KCNH8: variants seen among roughly 807,000 people sequenced by gnomAD.
KCNH8 encodes voltage-gated delayed rectifier potassium channel KCNH8.
A neutral mutation model predicts 103.6 loss-of-function variants in KCNH8; 70 were observed. The observed-to-expected ratio is 0.68, with a 90% CI of 0.56 to 0.82. KCNH8 has a LOEUF of 0.82. KCNH8 is among the 40% of genes least tolerant of loss of function. KCNH8 has a pLI of 0.00. For missense variants in KCNH8, 1,217 were observed against 1,329.9 expected, an observed-to-expected ratio of 0.92 and a Z score of 1.32; for synonymous variants, 498 against 489.4, an observed-to-expected ratio of 1.02 and a Z score of -0.23.
chr3:19,289,040 G>A (rs542983584), intron 3 of KCNH8, among the ~76,000 whole-genome samples: 1 of 152,336 alleles, frequency 6.6e-6, no homozygotes, highest in South Asian at 2.1e-4. Flanking sequence ...TTTGAGAAGT[G>A]TGGGTTCATA....
At chr3:19,435,233 A>G (rs1424875234) in intron 7 of KCNH8, among the ~76,000 whole-genome samples, 1 of 152,176 alleles carries the variant, frequency 6.6e-6, no homozygotes, top group Non-Finnish European at 1.5e-5. Context: ...CCAAAAGACC[A>G]CTGGAGGAAA....
At chr3:19,336,394 A>G (rs961476676) in intron 3 of KCNH8, among the ~76,000 whole-genome samples, 2 of 151,806 alleles carry the variant, frequency 1.3e-5, no homozygotes, top group African/African-American at 2.4e-5. Flanking sequence ...CATGACTTCT[A>G]TTTTTTGGAA....
intron 2 of KCNH8, among the ~76,000 whole-genome samples, chr3:19,272,658 A>G (rs576871196): frequency 6.6e-6 from 1 of 152,300 alleles, no homozygotes; most frequent in South Asian, 2.1e-4. Flanking sequence ...GACCTGGAAT[A>G]ACACACAAAT....
intron 5 of KCNH8, among the ~76,000 whole-genome samples, chr3:19,370,206 T>C (rs1039205607): frequency 6.6e-6 from 1 of 152,038 alleles, no homozygotes; most frequent in Non-Finnish European, 1.5e-5. Context: ...GGCATTCCCA[T>C]AACATTCATC....
chr3:19,362,142 G>C (rs1405266583), intron 5 of KCNH8, among the ~76,000 whole-genome samples: 1 of 152,080 alleles, frequency 6.6e-6, no homozygotes, highest in Admixed American at 6.6e-5. Context: ...AGATTCTGTG[G>C]CTGAGAATTA....
At chr3:19,449,833 C>T (rs776155388) in intron 8 of KCNH8, among the ~76,000 whole-genome samples, 1 of 151,832 alleles carries the variant, frequency 6.6e-6, no homozygotes, top group Non-Finnish European at 1.5e-5. Flanking sequence ...GCAGGTTAAA[C>T]GTAAATCAAA....
In KCNH8 at chr3:19,456,750, C is replaced by T. The variant is rs746507655; in HGVS notation, c.1826-18C>T. 29 of 1,369,948 alleles carry T rather than the reference C, an allele frequency of 2.1e-5. No individual in the cohort carries two copies. The Middle Eastern group carries it at 5.7e-4, about 27-fold the overall frequency. The allele number at this position is 1,369,948 out of a possible 1,614,324, so 84.9% of individuals were successfully genotyped here. A position where few individuals can be genotyped will look rare whatever the true frequency, so the allele number is the denominator to read the frequency against. On this transcript the variant is annotated intron_variant, in intron 10 of 15. Coordinates refer to ENST00000328405, the MANE Select transcript of KCNH8 (RefSeq NM_144633.3). ...CTTGCTTTTTTTTTTTGAAAATGAT[C>T]TCTCTCTCTCTTTCTAGGGAAAGGG...
intron 5 of KCNH8, among the ~76,000 whole-genome samples, chr3:19,376,277 C>T (rs1169098068): frequency 6.6e-6 from 1 of 152,214 alleles, no homozygotes; most frequent in African/African-American, 2.4e-5. Flanking sequence ...ACCCTCTGAG[C>T]CAGGTGCAGG....
chr3:19,236,483 A>G (rs2064067003), intron 1 of KCNH8, among the ~76,000 whole-genome samples: 2 of 152,216 alleles, frequency 1.3e-5, no homozygotes, highest in Admixed American at 1.3e-4. Flanking sequence ...AAACCCTGGT[A>G]TGTACACTGC....
intron 11 of KCNH8, among the ~76,000 whole-genome samples, chr3:19,466,010 T>C (rs1291727013): frequency 2.0e-5 from 3 of 152,040 alleles, no homozygotes; most frequent in Non-Finnish European, 2.9e-5. Context: ...TCACAGCTCA[T>C]TGGAGCCTTG....
intron 2 of KCNH8, among the ~76,000 whole-genome samples, chr3:19,254,852 G>C (rs2125254128): frequency 6.6e-6 from 1 of 152,170 alleles, no homozygotes; most frequent in African/African-American, 2.4e-5. Context: ...TTTAGGCCAA[G>C]ATATATGAGA....
chr3:19,353,015 AGAATT>A (rs965844362), intron 5 of KCNH8, among the ~76,000 whole-genome samples: 10 of 152,174 alleles, frequency 6.6e-5, no homozygotes, highest in Non-Finnish European at 1.2e-4. Context: ...AAAAGAGAGA[AGAATT>A]GAATAGTCGC....
At chr3:19,340,609 T>C (rs2125315792) in intron 3 of KCNH8, among the ~76,000 whole-genome samples, 1 of 152,150 alleles carries the variant, frequency 6.6e-6, no homozygotes, top group East Asian at 1.9e-4. Context: ...GAAAATAATA[T>C]AGCTAGATCC....
intron 6 of KCNH8, 44 bp downstream of exon 6, chr3:19,390,682 A>G: frequency 1.3e-6 from 2 of 1,557,454 alleles, no homozygotes; most frequent in South Asian, 2.4e-5. Context: ...AGGTTGATTT[A>G]TTTATCGCAT....
At chr3:19,270,369 A>G (rs2064570854) in intron 2 of KCNH8, among the ~76,000 whole-genome samples, 1 of 152,192 alleles carries the variant, frequency 6.6e-6, no homozygotes. Context: ...TTTCTTAATG[A>G]CACATATGGT....
At chr3:19,494,664 T>C (rs779003481) in intron 11 of KCNH8, among the ~76,000 whole-genome samples, 10 of 152,192 alleles carry the variant, frequency 6.6e-5, no homozygotes, top group Non-Finnish European at 1.3e-4. Flanking sequence ...AGTGAACATA[T>C]GCATCCATGT....
At chr3:19,156,421 C>G (rs2063181651) in intron 1 of KCNH8, among the ~76,000 whole-genome samples, 1 of 152,258 alleles carries the variant, frequency 6.6e-6, no homozygotes. Context: ...TAGTTTCTAG[C>G]TCTTGCAAAT....
At chr3:19,329,163 G>C (rs763342178) in intron 3 of KCNH8, among the ~76,000 whole-genome samples, 10 of 152,108 alleles carry the variant, frequency 6.6e-5, no homozygotes, top group Non-Finnish European at 1.3e-4. Flanking sequence ...GGCATTCCGA[G>C]GCTTCCCCAC....
intron 3 of KCNH8, among the ~76,000 whole-genome samples, chr3:19,306,126 T>C (rs2065126970): frequency 6.6e-6 from 1 of 152,056 alleles, no homozygotes. Flanking sequence ...CGCATGCATG[T>C]ATAACTTTTA....
Sources: gnomAD v4.1 joint callset for allele counts (sites outside exome capture counted in the v4.1 genomes callset) on GRCh38, gnomAD v4.1.1 for gene constraint, MANE v1.5 for transcripts, NCBI Gene and HGNC (gene_info 2026-07-23, HGNC 2026-07-21) for gene names.